INF2: variants seen among roughly 807,000 people sequenced by gnomAD.
INF2 encodes the protein inverted formin-2.
INF2 carries 43 observed loss-of-function variants against 123.5 expected under a neutral mutation model. The observed-to-expected ratio is 0.35, with a 90% CI of 0.27 to 0.45. INF2 has a LOEUF of 0.45. INF2 is among the 20% of genes least tolerant of loss of function. The pLI, the probability that INF2 is intolerant of heterozygous loss-of-function variation, is 1.00. For missense variants in INF2, 1,453 were observed against 1,682.7 expected (o/e 0.86, Z 2.39); for synonymous variants, 851 against 745.0 (o/e 1.14, Z -2.32).
At chr14:104,715,477 G>A (rs377292780) in intron 22 of INF2, 137 bp downstream of exon 22, 9 of 826,750 alleles carry the variant, frequency 1.1e-5, no homozygotes, top group African/African-American at 3.3e-5. Flanking sequence ...TGGCCTTGCC[G>A]CTCCCGCAGC....
rs1889670447 is a variant in INF2 at position 104,704,227 on chromosome 14, G to C, written c.701+278G>C. ...TTTGCACACCGTGGATGGAGCTGGA[G>C]GCCGTGATCCTAAGTGAACCAACCC... On this transcript the variant is annotated intron_variant, in intron 5 of 22. Transcript: ENST00000392634. The C allele has an allele frequency of 1.0e-5, 14 of 1,381,526 alleles. No homozygotes were observed. In the South Asian group the frequency reaches 2.2e-4, roughly 22 times the overall value. The allele number at this position is 1,381,526 out of a possible 1,614,324, so 85.6% of individuals were successfully genotyped here. A position where few individuals can be genotyped will look rare whatever the true frequency, so the allele number is the denominator to read the frequency against.
chr14:104,706,303 C>T, intron 6 of INF2, 127 bp downstream of exon 6: 2 of 1,026,762 alleles, frequency 1.9e-6, no homozygotes, highest in East Asian at 5.4e-5. Context: ...GGCCATGGTG[C>T]CAGCTTTGGG....
Position 104,703,361 on chromosome 14 carries a change from C to A in INF2, c.574C>A (p.Pro192Thr). The A allele has an allele frequency of 1.9e-6, 3 of 1,612,958 alleles. No homozygotes were observed. The highest frequency in any genetic ancestry group is 2.5e-6 in the Non-Finnish European group (3 of 1,179,824). ...MNELSGSDNV[P>T]YVVTLLSVIN... is the part of the protein sequence containing the mutation. ...CGAGCTCTCCGGCAGCGACAACGTG[C>A]CCTACGTGGTCACCCTGCTTAGCGT... Residue 192 changes from proline (P) to threonine (T), a missense_variant, in exon 4 of 23, where the codon CCC (proline) becomes ACC (threonine). Physicochemically the swap from Pro to Thr is conservative, Grantham distance 38. This residue lies in a region of INF2 where 251 missense variants were observed against 349.4 expected (regional missense o/e 0.72). Coordinates refer to ENST00000392634, the MANE Select transcript of INF2 (RefSeq NM_022489.4).
intron 21 of INF2, 101 bp downstream of exon 21, chr14:104,714,957 C>A: frequency 7.8e-7 from 1 of 1,286,348 alleles, no homozygotes; most frequent in Non-Finnish European, 1.0e-6. Context: ...CCAGCGGCAC[C>A]CAGGAGAGGT....
rs761111655 is a variant in INF2, at chr14:104,701,626, C to T, written c.261C>T (p.Arg87=). Residue 87 remains arginine, a synonymous_variant, in exon 2 of 23, where the codon CGC becomes CGT. Transcript: ENST00000392634. ...LLEALARLSG[R]GVARISDALL... ...AGGCGCTGGCGCGGCTGTCGGGCCG[C>T]GGCGTTGCACGTATCTCCGACGCCC... 10 of 1,601,488 alleles carry T rather than the reference C, an allele frequency of 6.2e-6. No homozygotes were observed. The highest frequency in any genetic ancestry group is 4.0e-5 in the African/African-American group (3 of 74,760).
chr14:104,692,192 G>T (rs571141990), intron 1 of INF2, among the ~76,000 whole-genome samples: 2 of 152,288 alleles, frequency 1.3e-5, no homozygotes, highest in East Asian at 3.9e-4. Context: ...CAGCCTGCGG[G>T]GTCCCTCCGC....
rs74091118 is a variant in INF2 at position 104,695,145 on chromosome 14, G to A, written c.-10+5406G>A. ...AGCAGACCCCCTGCAGGGTACGTCT[G>A]GGGCCTGCGATAGGCCAGCCCTGGG... On this transcript the variant is annotated intron_variant, in intron 1 of 22. Transcript: ENST00000392634. 9.5e-3 allele frequency among the ~76,000 whole-genome samples: 1,449 copies of A among 152,248 alleles called. 22 individuals are homozygous for A. The highest frequency in any genetic ancestry group is 0.033 in the African/African-American group (1,362 of 41,544).
At chr14:104,706,211 C>G in intron 6 of INF2, 35 bp downstream of exon 6, 1 of 1,534,020 alleles carries the variant, frequency 6.5e-7, no homozygotes, top group African/African-American at 1.4e-5. Context: ...GGGCAGCCCT[C>G]CAGGGCAGGC....
upstream of INF2, among the ~76,000 whole-genome samples, chr14:104,688,651 T>C (rs1888764864): frequency 6.6e-6 from 1 of 152,240 alleles, no homozygotes; most frequent in South Asian, 2.1e-4. Context: ...CAGGGAGTGC[T>C]GGCGCCGGTT....
At chr14:104,708,384 C>T (rs1056190128) in intron 8 of INF2, 52 bp from the exon 9 acceptor site, 16 of 1,598,642 alleles carry the variant, frequency 1.0e-5, no homozygotes, top group African/African-American at 4.0e-5. Context: ...CCTGCTGGAT[C>T]GCCAGGCCCC....
intron 5 of INF2, 101 bp from the exon 6 acceptor site, chr14:104,705,934 G>T: frequency 7.0e-7 from 1 of 1,434,782 alleles, no homozygotes; most frequent in Non-Finnish European, 9.5e-7. Flanking sequence ...AGTCCCAGGT[G>T]GGCTGAGCGG....
chr14:104,706,872 G>A (rs1386256677), intron 6 of INF2, 38 bp from the exon 7 acceptor site: 1 of 1,597,048 alleles, frequency 6.3e-7, no homozygotes, highest in Admixed American at 1.7e-5. Flanking sequence ...CCAGGGAGGG[G>A]CCGGCTGCTG....
chr14:104,705,972 T>C lies in INF2; in HGVS notation c.702-63T>C, dbSNP rs371875792. On this transcript the variant is annotated intron_variant, in intron 5 of 22. Transcript: ENST00000392634. ...CTGGTACACTGGCGCTGACCCAGGC[T>C]GCCCCGCCTGCGTGTTGGTGGTGGC... The C allele has an allele frequency of 1.3e-3, 1,973 of 1,578,172 alleles. 44 individuals carry two copies. In the South Asian group the frequency reaches 0.021, roughly 17 times the overall value.
intron 21 of INF2, 83 bp downstream of exon 21, chr14:104,714,939 T>C: frequency 7.3e-7 from 1 of 1,376,530 alleles, no homozygotes; most frequent in Non-Finnish European, 9.6e-7. Context: ...CATTGGGCAC[T>C]GCAAGTTCCA....
At position 104,712,881 on chromosome 14, in the gene INF2, G is replaced by T. The variant is rs1185484075; in HGVS notation, c.2664G>T (p.Gln888His). 1 of 1,612,702 alleles carries T rather than the reference G, an allele frequency of 6.2e-7. No homozygotes were observed. Among genetic ancestry groups the T allele is most frequent in the Non-Finnish European group, 8.5e-7 (1 of 1,179,800 alleles). ...ALDELFEAIE[Q>H]KQRELADYLC... ...ATGAGCTGTTTGAGGCCATCGAGCAGAAGCAACGGGAGCTGGCCGACTACC... is the reference window on the plus strand; with the variant it reads ...ATGAGCTGTTTGAGGCCATCGAGCATAAGCAACGGGAGCTGGCCGACTACC... The change falls in exon 18 of 23, where the codon CAG (glutamine) becomes CAT (histidine). Residue 888 changes from glutamine to histidine, a missense_variant. Transcript: ENST00000392634.
chr14:104,696,200 C>T (rs1156285340), intron 1 of INF2, among the ~76,000 whole-genome samples: 5 of 152,300 alleles, frequency 3.3e-5, no homozygotes, highest in Middle Eastern at 3.4e-3. Context: ...CACAGTGGCC[C>T]GGGGGCCCTC....
upstream of INF2, among the ~76,000 whole-genome samples, chr14:104,685,516 C>T (rs538091861): frequency 5.3e-5 from 8 of 150,424 alleles, no homozygotes; most frequent in Non-Finnish European, 8.9e-5. Flanking sequence ...GTGTCCTTGT[C>T]AGCAAGCATA....
At position 104,703,469 on chromosome 14, in the gene INF2, T is replaced by C; in HGVS notation, c.667+15T>C. The C allele has an allele frequency of 6.2e-7, 1 of 1,610,036 alleles. No homozygotes were observed. The highest frequency in any genetic ancestry group is 8.5e-7 in the Non-Finnish European group (1 of 1,179,886). ...CGAGTTTATCGGTAAGCACCTGCCCTGGGCCGCATGCCCGCTCCTGCCCGC... is the reference window on the plus strand; with the variant it reads ...CGAGTTTATCGGTAAGCACCTGCCCCGGGCCGCATGCCCGCTCCTGCCCGC... On this transcript the variant is annotated intron_variant, in intron 4 of 22. Transcript: ENST00000392634.
At chr14:104,703,477 ATGCCCGCTCC>A (rs747842391) in intron 4 of INF2, 23 bp downstream of exon 4, 14 of 1,608,868 alleles carry the variant, frequency 8.7e-6, no homozygotes, top group African/African-American at 4.0e-5. Flanking sequence ...CCTGGGCCGC[ATGCCCGCTCC>A]TGCCCGCCTC....
Sources: allele counts gnomAD v4.1 joint callset (sites outside exome capture counted in the v4.1 genomes callset), GRCh38; gene constraint gnomAD v4.1.1; regional missense constraint gnomAD v4.1.1; transcripts MANE v1.5; gene names NCBI Gene and HGNC (gene_info 2026-07-23, HGNC 2026-07-21).